The following EML4 variants were observed in gnomAD, a reference collection of about 807,000 sequenced individuals.
EML4 encodes EMAP like 4.
Under a neutral mutation model 129.0 loss-of-function variants are expected in EML4, and 72 were observed. That is an observed-to-expected ratio of 0.56 (90% CI 0.46 to 0.68). EML4 has a LOEUF of 0.68. EML4 is among the 30% of genes least tolerant of loss of function. The pLI, the probability that EML4 is intolerant of heterozygous loss-of-function variation, is 0.00. For synonymous variants in EML4, 532 were observed against 405.0 expected, an observed-to-expected ratio of 1.31 and a Z score of -3.77; for missense variants, 1,363 against 1,190.6, an observed-to-expected ratio of 1.14 and a Z score of -2.13.
rs1675003932 is a variant in EML4, at chr2:42,241,130, C to T, written c.26-4375C>T. On this transcript the variant is annotated intron_variant, in intron 1 of 22. Coordinates refer to ENST00000318522, the MANE Select transcript of EML4 (RefSeq NM_019063.5). ...TGAGATTGCACCACTGCACTCCAGC[C>T]TGGTCGACAGAGTGAGTCTCAAAGA... 2.0e-5 allele frequency among the ~76,000 whole-genome samples: 3 copies of T among 151,826 alleles called. No homozygotes were observed. In the South Asian group the frequency reaches 6.2e-4, roughly 32 times the overall value.
chr2:42,219,691 G>T lies in EML4; in HGVS notation c.26-25814G>T, dbSNP rs1673435543. On this transcript the variant is annotated intron_variant, in intron 1 of 22. Coordinates refer to ENST00000318522, the MANE Select transcript of EML4 (RefSeq NM_019063.5). ...CCAGGATTTTGGGAGGCCGAGGTGG[G>T]CAGATTACTTGACATCAGGACTTCA... 1.1e-4 allele frequency among the ~76,000 whole-genome samples: 17 copies of T among 152,200 alleles called. 1 individual carries two copies. The South Asian group carries it at 3.5e-3, about 32-fold the overall frequency.
chr2:42,170,923 C>T (rs1409697420), intron 1 of EML4, among the ~76,000 whole-genome samples: 2 of 152,142 alleles, frequency 1.3e-5, no homozygotes, highest in South Asian at 2.1e-4. Context: ...GAGCAATGGG[C>T]CTATTATAGA....
intron 13 of EML4, among the ~76,000 whole-genome samples, chr2:42,299,042 C>T (rs1014020738): frequency 1.3e-5 from 2 of 152,158 alleles, no homozygotes; most frequent in African/African-American, 2.4e-5. Context: ...ACTTATCTAC[C>T]TATGCCAGTG....
At chr2:42,311,410 A>G (rs906676943) in intron 17 of EML4, among the ~76,000 whole-genome samples, 3 of 152,168 alleles carry the variant, frequency 2.0e-5, no homozygotes, top group African/African-American at 7.2e-5. Flanking sequence ...AAAATTAGCC[A>G]GGCGTGGTAG....
At chr2:42,255,239 C>G (rs939836873) in intron 2 of EML4, among the ~76,000 whole-genome samples, 6 of 152,074 alleles carry the variant, frequency 3.9e-5, no homozygotes, top group Non-Finnish European at 8.8e-5. Context: ...GCGCTCGCCA[C>G]CACGCCTGGC....
chr2:42,304,656 A>G (rs1291982743), intron 17 of EML4, 105 bp downstream of exon 17: 2 of 848,004 alleles, frequency 2.4e-6, no homozygotes, highest in African/African-American at 1.7e-5. Context: ...TAAGTGGCAC[A>G]CTAATATGCT....
chr2:42,244,500 A>G (rs1319084211), intron 1 of EML4, among the ~76,000 whole-genome samples: 2 of 152,240 alleles, frequency 1.3e-5, no homozygotes, highest in South Asian at 2.1e-4. Flanking sequence ...TTGCTGTGGT[A>G]TAGCTAAGCC....
intron 3 of EML4, among the ~76,000 whole-genome samples, chr2:42,258,129 A>G (rs1665466153): frequency 6.6e-6 from 1 of 152,168 alleles, no homozygotes; most frequent in African/African-American, 2.4e-5. Context: ...ATCCAAGGCC[A>G]GCTGAGTTTG....
At chr2:42,174,099 A>G (rs1043617316) in intron 1 of EML4, among the ~76,000 whole-genome samples, 1 of 152,218 alleles carries the variant, frequency 6.6e-6, no homozygotes, top group African/African-American at 2.4e-5. Flanking sequence ...TTGGAATAAC[A>G]TGTAGCAAAA....
rs535367930 is a variant in EML4 at position 42,223,898 on chromosome 2, C to T, written c.26-21607C>T. Among the ~76,000 whole-genome samples the T allele has an allele frequency of 5.3e-5, 8 of 152,210 alleles. No homozygotes were observed. In the East Asian group the frequency reaches 1.3e-3, roughly 26 times the overall value. Reference sequence around the variant, plus strand: ...CCCTCATGTAGGTGATTATTCTGGCCTTTTCACATACTAATAATACCACTA... The same window carrying T: ...CCCTCATGTAGGTGATTATTCTGGCTTTTTCACATACTAATAATACCACTA... On this transcript the variant is annotated intron_variant, in intron 1 of 22. Coordinates refer to ENST00000318522, the MANE Select transcript of EML4 (RefSeq NM_019063.5).
chr2:42,194,114 A>G (rs980305283), intron 1 of EML4, among the ~76,000 whole-genome samples: 4 of 152,208 alleles, frequency 2.6e-5, no homozygotes, highest in Non-Finnish European at 4.4e-5. Context: ...TTTATAGCCT[A>G]TATAAATATA....
At chr2:42,214,923 T>TA (rs1192955466) in intron 1 of EML4, among the ~76,000 whole-genome samples, 1 of 152,144 alleles carries the variant, frequency 6.6e-6, no homozygotes, top group African/African-American at 2.4e-5. Context: ...CTTTTGTTGG[T>TA]AAAAAAGCAA....
At chr2:42,231,343 C>G (rs959101587) in intron 1 of EML4, among the ~76,000 whole-genome samples, 1 of 152,318 alleles carries the variant, frequency 6.6e-6, no homozygotes, top group Non-Finnish European at 1.5e-5. Flanking sequence ...TCAATTCTCA[C>G]AACTCCAGTT....
chr2:42,242,521 C>T (rs1486433236), intron 1 of EML4, among the ~76,000 whole-genome samples: 1 of 151,950 alleles, frequency 6.6e-6, no homozygotes, highest in Non-Finnish European at 1.5e-5. Context: ...AGCTGGAGAA[C>T]CAAGGTGGAT....
chr2:42,271,499 C>G (rs1666364677), intron 6 of EML4, among the ~76,000 whole-genome samples: 2 of 152,078 alleles, frequency 1.3e-5, no homozygotes, highest in Admixed American at 1.3e-4. Context: ...TGTTTGAAGG[C>G]TGTCCAATTT....
rs1665606176 is a variant in EML4 at position 42,259,778 on chromosome 2, G to A, written c.339-1343G>A. The stretch of plus-strand genomic sequence containing the variant: ...GGCGTCTCGCTCTGTCACCCAGGCT[G>A]GAGTGCAGTGGCGCAATCTCGGCTC... On this transcript the variant is annotated intron_variant, in intron 3 of 22. Coordinates refer to ENST00000318522, the MANE Select transcript of EML4 (RefSeq NM_019063.5). 3.0e-5 allele frequency among the ~76,000 whole-genome samples: 4 copies of A among 132,840 alleles called. No individual in the cohort carries two copies. The South Asian group carries it at 9.5e-4, about 32-fold the overall frequency. The allele number at this position is 132,840 out of a possible 152,430, so 87.1% of individuals were successfully genotyped here. A position where few individuals can be genotyped will look rare whatever the true frequency, so the allele number is the denominator to read the frequency against.
intron 16 of EML4, among the ~76,000 whole-genome samples, chr2:42,303,860 G>A (rs904780790): frequency 6.6e-6 from 1 of 152,210 alleles, no homozygotes; most frequent in Non-Finnish European, 1.5e-5. Context: ...GGGAGGCGGA[G>A]CTTGCAGTGA....
At chr2:42,283,876 A>T (rs182623129) in intron 8 of EML4, among the ~76,000 whole-genome samples, 8 of 152,264 alleles carry the variant, frequency 5.3e-5, no homozygotes, top group Admixed American at 2.6e-4. Context: ...CACTTTATGT[A>T]TTAATATGTA....
chr2:42,310,084 A>T (rs1236730956), intron 17 of EML4, among the ~76,000 whole-genome samples: 1 of 152,192 alleles, frequency 6.6e-6, no homozygotes, highest in Non-Finnish European at 1.5e-5. Flanking sequence ...TTTGTTGAAA[A>T]GACTTCTCTT....
Sources: allele counts gnomAD v4.1 joint callset (sites outside exome capture counted in the v4.1 genomes callset), GRCh38; gene constraint gnomAD v4.1.1; transcripts MANE v1.5; gene names NCBI Gene and HGNC (gene_info 2026-07-23, HGNC 2026-07-21).